IL21R: variants seen among roughly 807,000 people sequenced by gnomAD.
The protein encoded by IL21R is interleukin 21 receptor, also known as interleukin-21 receptor.
IL21R carries 14 observed loss-of-function variants against 41.3 expected under a neutral mutation model. That is an observed-to-expected ratio of 0.34 (90% confidence interval 0.22 to 0.53). The LOEUF is 0.53. Among genes scored for constraint, IL21R ranks in the 20% least tolerant of loss-of-function variants. The pLI, the probability that IL21R is intolerant of heterozygous loss-of-function variation, is 0.94. For missense variants in IL21R, 588 were observed against 681.6 expected (o/e 0.86, Z 1.53); for synonymous variants, 286 against 287.6 (o/e 0.99, Z 0.05).
In IL21R at chr16:27,445,944, C is replaced by T. The variant is rs3093376; in HGVS notation, c.786-63C>T. On this transcript the variant is annotated intron_variant, in intron 7 of 8. Coordinates refer to ENST00000337929, the MANE Select transcript of IL21R (RefSeq NM_181078.3). ...CTGTAGGATGAAGCTGGGGAGCGTCCGAATGGGAGGCCAGGCTGCCCTCTG... is the reference window on the plus strand; with the variant it reads ...CTGTAGGATGAAGCTGGGGAGCGTCTGAATGGGAGGCCAGGCTGCCCTCTG... The T allele has an allele frequency of 1.6e-3, 2,131 of 1,361,878 alleles. 25 individuals carry two copies. The African/African-American group carries it at 0.027, about 17-fold the overall frequency. 84.4% of individuals were successfully genotyped at this position (1,361,878 alleles called of 1,614,324 possible).
intron 1 of IL21R, among the ~76,000 whole-genome samples, chr16:27,410,265 G>A (rs1052091012): frequency 4.0e-5 from 6 of 151,850 alleles, no homozygotes; most frequent in South Asian, 2.1e-4. Flanking sequence ...CCCAGGAGGC[G>A]GAGGTTGCAG....
rs766632346 is a variant in IL21R at position 27,448,609 on chromosome 16, G to A, written c.943G>A (p.Glu315Lys). The change falls in exon 9 of 9, where the codon GAG (glutamate) becomes AAG (lysine). Residue 315 changes from glutamate (E) to lysine (K), a missense_variant. Transcript: ENST00000337929. ...GAGCCCAGAGGTGCCCTCCACCCTG[G>A]AGGTGTACAGCTGCCACCCACCACG... ...PWSPEVPSTLEVYSCHPPRSP... is the reference protein window; with the variant it reads ...PWSPEVPSTLKVYSCHPPRSP... 1.2e-5 allele frequency: 19 copies of A among 1,612,926 alleles called. No individual in the cohort carries two copies. The highest frequency in any genetic ancestry group is 1.4e-5 in the Non-Finnish European group (17 of 1,180,004).
chr16:27,434,213 C>T (rs2087224575), intron 2 of IL21R, 134 bp from the exon 3 acceptor site: 4 of 615,166 alleles, frequency 6.5e-6, no homozygotes, highest in Non-Finnish European at 1.2e-5. Flanking sequence ...CTAAGCAGCT[C>T]CTGAGTCCTC....
intron 1 of IL21R, among the ~76,000 whole-genome samples, chr16:27,414,862 A>G (rs1401381510): frequency 1.3e-5 from 2 of 152,188 alleles, no homozygotes; most frequent in African/African-American, 2.4e-5. Flanking sequence ...TTTTTTCTGC[A>G]CCAAAATAAA....
chr16:27,415,624 C>G lies in IL21R; in HGVS notation c.-17+13006C>G, dbSNP rs150227404. Among the ~76,000 whole-genome samples, 767 of 152,274 alleles carry G rather than the reference C, an allele frequency of 5.0e-3. 7 individuals carry two copies. Among genetic ancestry groups the G allele is most frequent in the South Asian group, 0.026 (124 of 4,816 alleles). ...AAAGCTTCACCAGAGAGTCCTCCAC[C>G]ATAGCAATGCTCCTGCTCATTCTTC... On this transcript the variant is annotated intron_variant, in intron 1 of 8. Transcript: ENST00000337929.
intron 1 of IL21R, among the ~76,000 whole-genome samples, chr16:27,427,051 A>G (rs895978378): frequency 2.6e-4 from 40 of 152,298 alleles, no homozygotes; most frequent in Admixed American, 2.6e-4. Context: ...AGATGGCTAC[A>G]AGCTCTGAGA....
Position 27,402,572 on chromosome 16 carries a change from C to A in IL21R, c.-63C>A. 1 of 155,212 alleles carries A rather than the reference C, an allele frequency of 6.4e-6. No individual in the cohort carries two copies. Among genetic ancestry groups the A allele is most frequent in the South Asian group, 1.9e-4 (1 of 5,144 alleles). The allele number at this position is 155,212 out of a possible 1,614,324, so 9.6% of individuals were successfully genotyped here. A position where few individuals can be genotyped will look rare whatever the true frequency, so the allele number is the denominator to read the frequency against. ...CCACCCCCAGAAGCCCATCAGACTG[C>A]CCCCAGCACACGGAATGGATTTCTG... On this transcript the variant is annotated 5_prime_UTR_variant, in exon 1 of 9. Coordinates refer to ENST00000337929, the MANE Select transcript of IL21R (RefSeq NM_181078.3).
intron 1 of IL21R, among the ~76,000 whole-genome samples, chr16:27,404,959 T>C (rs796991593): frequency 7.9e-5 from 12 of 151,992 alleles, no homozygotes; most frequent in African/African-American, 2.9e-4. Flanking sequence ...AGAGAGCCAG[T>C]GTGATGGGGA....
chr16:27,409,500 C>T (rs2086795571), intron 1 of IL21R, among the ~76,000 whole-genome samples: 1 of 151,840 alleles, frequency 6.6e-6, no homozygotes, highest in African/African-American at 2.4e-5. Context: ...ACTGTTTTAC[C>T]TTTCACATTT....
chr16:27,440,248 T>TATATATATATATATAGAGAG lies in IL21R; in HGVS notation c.352+2562_352+2563insTATATATATATATAGAGAGA, dbSNP rs1352160946. 5.3e-4 allele frequency among the ~76,000 whole-genome samples: 34 copies of TATATATATATATATAGAGAG among 64,014 alleles called. 1 individual carries two copies. Among genetic ancestry groups the TATATATATATATATAGAGAG allele is most frequent in the African/African-American group, 7.0e-4 (8 of 11,404 alleles). 42.0% of individuals were successfully genotyped at this position (64,014 alleles called of 152,430 possible). ...ATATATATATATATATATATATATA[T>TATATATATATATATAGAGAG]AGAGAGAGAGAGAGAGAGAGAGAGA... On this transcript the variant is annotated intron_variant, in intron 4 of 8. Transcript: ENST00000337929.
intron 1 of IL21R, among the ~76,000 whole-genome samples, chr16:27,410,011 T>C (rs1055327755): frequency 1.3e-5 from 2 of 152,230 alleles, no homozygotes; most frequent in African/African-American, 4.8e-5. Flanking sequence ...CTAATTTTTC[T>C]TAGTAATGTC....
intron 4 of IL21R, among the ~76,000 whole-genome samples, chr16:27,442,075 G>A (rs2087397262): frequency 6.6e-6 from 1 of 152,196 alleles, no homozygotes; most frequent in Admixed American, 6.5e-5. Flanking sequence ...TTCCCATTCT[G>A]CACCTCATAT....
intron 8 of IL21R, among the ~76,000 whole-genome samples, chr16:27,447,382 C>T (rs2087500253): frequency 6.6e-6 from 1 of 152,020 alleles, no homozygotes; most frequent in South Asian, 2.1e-4. Context: ...TAAGGGCACA[C>T]AGCTGAGAAG....
At chr16:27,437,709 G>C (rs1391928331) in intron 4 of IL21R, 22 bp downstream of exon 4, 7 of 1,600,320 alleles carry the variant, frequency 4.4e-6, no homozygotes, top group Non-Finnish European at 6.0e-6. Context: ...GGGACCCCAG[G>C]CTTAGGGTGG....
intron 1 of IL21R, among the ~76,000 whole-genome samples, chr16:27,404,138 A>G (rs1467057708): frequency 6.6e-6 from 1 of 152,186 alleles, no homozygotes. Flanking sequence ...CAACCCCCAG[A>G]GGAGAGGCCC....
chr16:27,442,714 C>G (rs934774779), intron 4 of IL21R: 10 of 338,282 alleles, frequency 3.0e-5, no homozygotes, highest in Non-Finnish European at 4.3e-5. Flanking sequence ...CTCTCTGTGA[C>G]CTGCCCGCCC....
At chr16:27,445,644 G>A (rs2087462641) in intron 7 of IL21R, among the ~76,000 whole-genome samples, 1 of 152,180 alleles carries the variant, frequency 6.6e-6, no homozygotes, top group South Asian at 2.1e-4. Context: ...AGGCTTAATG[G>A]GCTTAAGGGG....
In IL21R at chr16:27,450,141, G is replaced by A. The variant is rs972343947; in HGVS notation, c.*858G>A. The A allele has an allele frequency of 1.3e-5, 3 of 232,774 alleles. No individual in the cohort carries two copies. The highest frequency in any genetic ancestry group is 4.4e-5 in the African/African-American group (2 of 45,318). 14.4% of individuals were successfully genotyped at this position (232,774 alleles called of 1,614,324 possible). A position where few individuals can be genotyped will look rare whatever the true frequency, so the allele number is the denominator to read the frequency against. The stretch of plus-strand genomic sequence containing the variant: ...ATCGTCAGCGACAGCCTGGGCACCC[G>A]CGGGGCCGTCCCGCCTGCAGAGGGC... On this transcript the variant is annotated 3_prime_UTR_variant, in exon 9 of 9. Coordinates refer to ENST00000337929, the MANE Select transcript of IL21R (RefSeq NM_181078.3).
In IL21R at chr16:27,449,863, A is replaced by T. The variant is rs1480111050; in HGVS notation, c.*580A>T. 4.3e-6 allele frequency: 1 copy of T among 233,210 alleles called. No homozygotes were observed. Among genetic ancestry groups the T allele is most frequent in the Non-Finnish European group, 8.5e-6 (1 of 118,146 alleles). 14.4% of individuals were successfully genotyped at this position (233,210 alleles called of 1,614,324 possible). On this transcript the variant is annotated 3_prime_UTR_variant, in exon 9 of 9. Coordinates refer to ENST00000337929, the MANE Select transcript of IL21R (RefSeq NM_181078.3). ...AGCCCATGGTGACCTCGGGAATGGCAATTTTTTGGGCGGCCCCTGGACGAA... is the reference window on the plus strand; with the variant it reads ...AGCCCATGGTGACCTCGGGAATGGCTATTTTTTGGGCGGCCCCTGGACGAA...
Sources: allele counts gnomAD v4.1 joint callset (sites outside exome capture counted in the v4.1 genomes callset), GRCh38; gene constraint gnomAD v4.1.1; transcripts MANE v1.5; gene names NCBI Gene and HGNC (gene_info 2026-07-23, HGNC 2026-07-21).